AKAP6: variants seen among roughly 807,000 people sequenced by gnomAD.
The protein encoded by AKAP6 is A-kinase anchor protein 6.
In AKAP6, 58 loss-of-function variants were observed where a neutral mutation model predicts 188.5. The ratio of observed to expected loss-of-function variants is 0.31; its 90% CI spans 0.25 to 0.38. The LOEUF is 0.38. Ranked by LOEUF, AKAP6 falls within the 10% of genes least tolerant of loss-of-function variation. AKAP6 has a pLI of 1.00. For synonymous variants in AKAP6, 989 were observed against 998.6 expected (o/e 0.99, Z 0.18); for missense variants, 2,710 against 2,740.0 (o/e 0.99, Z 0.24).
chr14:32,371,218 C>T lies in AKAP6; in HGVS notation c.-35+41810C>T, dbSNP rs140877067. Among the ~76,000 whole-genome samples, 535 of 152,290 alleles carry T rather than the reference C, an allele frequency of 3.5e-3. 2 individuals carry two copies. Among genetic ancestry groups the T allele is most frequent in the Non-Finnish European group, 4.0e-3 (272 of 68,022 alleles). On this transcript the variant is annotated intron_variant, in intron 1 of 13. Coordinates refer to ENST00000280979, the MANE Select transcript of AKAP6 (RefSeq NM_004274.5). Reference sequence around the variant, plus strand: ...ATACATGCATTTTATAGAGCTAGAACACACATATGTCAAAAGTCACCTTAA... The same window carrying T: ...ATACATGCATTTTATAGAGCTAGAATACACATATGTCAAAAGTCACCTTAA...
At chr14:32,577,352 A>T (rs964104974) in intron 5 of AKAP6, 110 bp downstream of exon 5, 3 of 1,405,030 alleles carry the variant, frequency 2.1e-6, no homozygotes, top group African/African-American at 1.5e-5. Context: ...CTATATGTCA[A>T]TGAAACCAAA....
At chr14:32,524,136 C>A (rs1408825343) in intron 2 of AKAP6, among the ~76,000 whole-genome samples, 8 of 150,556 alleles carry the variant, frequency 5.3e-5, no homozygotes, top group African/African-American at 2.0e-4. Context: ...CTAGCCTAGG[C>A]CAAACAGCAA....
chr14:32,393,399 A>G (rs958520206), intron 1 of AKAP6, among the ~76,000 whole-genome samples: 1 of 152,162 alleles, frequency 6.6e-6, no homozygotes, highest in Non-Finnish European at 1.5e-5. Flanking sequence ...CAAAGACTGA[A>G]GAACTGTCTT....
intron 4 of AKAP6, among the ~76,000 whole-genome samples, chr14:32,570,306 T>A (rs951319733): frequency 2.0e-5 from 1 of 49,010 alleles, no homozygotes; most frequent in Non-Finnish European, 3.8e-5. Context: ...GATTTTTGTA[T>A]TTTTTCTTTT....
At chr14:32,523,779 ACTC>A (rs1172576128) in intron 2 of AKAP6, among the ~76,000 whole-genome samples, 12 of 133,672 alleles carry the variant, frequency 9.0e-5, no homozygotes, top group African/African-American at 3.5e-4. Context: ...GAAGTTAAAT[ACTC>A]CTCCTGATTA....
Position 32,834,533 on chromosome 14 carries a change from C to CTTTTTTTTTT in AKAP6, c.*4740_*4749dup, listed in dbSNP as rs11417769. On this transcript the variant is annotated 3_prime_UTR_variant, in exon 14 of 14. Coordinates refer to ENST00000280979, the MANE Select transcript of AKAP6 (RefSeq NM_004274.5). ...CACACACTGCTTTTAGTTTCCAAGT[C>CTTTTTTTTTT]TTTTTTTTTTTTTTTTTTTTTAAAT... The CTTTTTTTTTT allele has an allele frequency of 1.9e-5, 2 of 103,850 alleles. No individual in the cohort carries two copies. Among genetic ancestry groups the CTTTTTTTTTT allele is most frequent in the African/African-American group, 3.6e-5 (1 of 27,434 alleles). The allele number at this position is 103,850 out of a possible 1,614,324, so 6.4% of individuals were successfully genotyped here. A position where few individuals can be genotyped will look rare whatever the true frequency, so the allele number is the denominator to read the frequency against.
intron 1 of AKAP6, among the ~76,000 whole-genome samples, chr14:32,420,261 A>T (rs1297997373): frequency 6.6e-6 from 1 of 151,864 alleles, no homozygotes; most frequent in East Asian, 1.9e-4. Context: ...CTCCCTGAGT[A>T]TTTTTTTTCC....
intron 2 of AKAP6, among the ~76,000 whole-genome samples, chr14:32,532,662 G>T (rs1295935469): frequency 6.6e-6 from 1 of 152,140 alleles, no homozygotes; most frequent in East Asian, 1.9e-4. Context: ...ATTCTGAGCT[G>T]GTAGCATAAA....
chr14:32,684,198 A>T (rs981746174), intron 8 of AKAP6, among the ~76,000 whole-genome samples: 6 of 152,216 alleles, frequency 3.9e-5, no homozygotes, highest in African/African-American at 1.4e-4. Flanking sequence ...CAGTGTGGTA[A>T]CTATGGGGTA....
chr14:32,393,613 G>C (rs185821071), intron 1 of AKAP6, among the ~76,000 whole-genome samples: 53 of 152,210 alleles, frequency 3.5e-4, no homozygotes, highest in Admixed American at 3.0e-3. Flanking sequence ...AGGGAAGCTA[G>C]GTGAAGAGTT....
At chr14:32,768,490 A>C (rs2032786465) in intron 11 of AKAP6, among the ~76,000 whole-genome samples, 1 of 152,238 alleles carries the variant, frequency 6.6e-6, no homozygotes, top group Non-Finnish European at 1.5e-5. Context: ...GGAGATCATC[A>C]AGAAAATACT....
intron 13 of AKAP6, among the ~76,000 whole-genome samples, chr14:32,828,917 T>C (rs2034752195): frequency 6.6e-6 from 1 of 152,226 alleles, no homozygotes; most frequent in Non-Finnish European, 1.5e-5. Flanking sequence ...TTTCTGGCTC[T>C]TAAGTTGAAA....
At chr14:32,537,292 A>G (rs966053855) in intron 3 of AKAP6, among the ~76,000 whole-genome samples, 4 of 152,206 alleles carry the variant, frequency 2.6e-5, no homozygotes, top group African/African-American at 9.6e-5. Context: ...GCAGGACTTC[A>G]GTAGAGTAAC....
intron 7 of AKAP6, among the ~76,000 whole-genome samples, chr14:32,651,086 A>G (rs1331133406): frequency 6.6e-6 from 1 of 152,158 alleles, no homozygotes; most frequent in East Asian, 1.9e-4. Context: ...GGACTTGTGT[A>G]GGTTATTTGG....
At chr14:32,475,432 G>C (rs1370199020) in intron 2 of AKAP6, among the ~76,000 whole-genome samples, 5 of 152,136 alleles carry the variant, frequency 3.3e-5, no homozygotes, top group Admixed American at 3.3e-4. Context: ...GTTAGTTTTT[G>C]TTGTGGGTTC....
chr14:32,823,966 C>T lies in AKAP6; in HGVS notation c.6153C>T (p.Ala2051=), dbSNP rs760218256. Residue 2051 remains alanine, a synonymous_variant, in exon 13 of 14, where the codon GCC becomes GCT. Transcript: ENST00000280979. ...CEPDVFHQKD[A]EDCSVHNFVK... ...CAGATGTTTTCCATCAAAAAGATGC[C>T]GAAGATTGTTCAGTACACAACTTTG... 50 of 1,613,874 alleles carry T rather than the reference C, an allele frequency of 3.1e-5. No homozygotes were observed. Among genetic ancestry groups the T allele is most frequent in the Non-Finnish European group, 3.6e-5 (43 of 1,179,914 alleles).
At chr14:32,494,458 A>T (rs1880202962) in intron 2 of AKAP6, 1 of 152,168 alleles carries the variant, frequency 6.6e-6, no homozygotes, top group African/African-American at 2.4e-5. Flanking sequence ...CATATTAGCC[A>T]GTCAGTGGAG....
chr14:32,433,168 T>G (rs1890274106), intron 1 of AKAP6: 1 of 280,236 alleles, frequency 3.6e-6, no homozygotes, highest in Non-Finnish European at 6.8e-6. Flanking sequence ...TGTGCAGGAA[T>G]ATGAACAGCT....
chr14:32,432,583 T>C (rs1430080898), intron 1 of AKAP6, among the ~76,000 whole-genome samples: 1 of 152,234 alleles, frequency 6.6e-6, no homozygotes, highest in East Asian at 1.9e-4. Context: ...CCATGATTTA[T>C]ACTTTCTAGG....
Sources: allele counts gnomAD v4.1 joint callset (sites outside exome capture counted in the v4.1 genomes callset), GRCh38; gene constraint gnomAD v4.1.1; transcripts MANE v1.5; gene names NCBI Gene and HGNC (gene_info 2026-07-23, HGNC 2026-07-21).